Variants in PREX1 observed in about 807,000 individuals in gnomAD.
PREX1 encodes phosphatidylinositol 3,4,5-trisphosphate-dependent Rac exchanger 1 protein.
In PREX1, 41 loss-of-function variants were observed where a neutral mutation model predicts 198.3. That is an observed-to-expected ratio of 0.21 (90% CI 0.16 to 0.27). The LOEUF (loss-of-function observed/expected upper bound fraction) is 0.27, where lower values mean the gene tolerates loss of function less well. Ranked by LOEUF, PREX1 falls within the 10% of genes least tolerant of loss-of-function variation. The pLI is 1.00. For synonymous variants in PREX1, 843 were observed against 887.2 expected, an observed-to-expected ratio of 0.95 and a Z score of 0.89; for missense variants, 1,620 against 2,200.7, an observed-to-expected ratio of 0.74 and a Z score of 5.28.
the PREX1 span, among the ~76,000 whole-genome samples, chr20:48,884,273 G>C: frequency 6.6e-6 from 1 of 152,050 alleles, no homozygotes. Context: ...CACAATTCCT[G>C]ATTTTAAAAC....
chr20:48,731,338 C>T (rs2090033985), intron 4 of PREX1, among the ~76,000 whole-genome samples: 1 of 152,242 alleles, frequency 6.6e-6, no homozygotes, highest in South Asian at 2.1e-4. Context: ...TTCCTCAAAA[C>T]ATCCTGTCAC....
upstream of PREX1, among the ~76,000 whole-genome samples, chr20:48,829,331 G>A (rs1305309020): frequency 6.6e-6 from 1 of 152,130 alleles, no homozygotes; most frequent in African/African-American, 2.4e-5. Flanking sequence ...CATAGTATCC[G>A]CCTCTAGACT....
chr20:48,823,225 C>G (rs2090494835), intron 1 of PREX1, among the ~76,000 whole-genome samples: 1 of 152,168 alleles, frequency 6.6e-6, no homozygotes, highest in South Asian at 2.1e-4. Context: ...CTTCGAGGAG[C>G]TGCTGACCAA....
chr20:48,712,950 C>T (rs778871017), intron 5 of PREX1, among the ~76,000 whole-genome samples: 79 of 152,220 alleles, frequency 5.2e-4, no homozygotes, highest in South Asian at 2.7e-3. Flanking sequence ...ATGGTGAAAC[C>T]CCGTCTCTAT....
chr20:48,703,628 A>G (rs2089886953), intron 6 of PREX1, among the ~76,000 whole-genome samples: 1 of 152,050 alleles, frequency 6.6e-6, no homozygotes, highest in African/African-American at 2.4e-5. Context: ...CCAAAGGGGA[A>G]GTTGAAGAAG....
chr20:48,651,330 C>A lies in PREX1; in HGVS notation c.2655+66G>T. ...GTCCCACCCAACTCCTTCTCCCAAC[C>A]TTTGATAAGAGAAACTGGCTTCAAT... On this transcript the variant is annotated intron_variant, in intron 22 of 39. Coordinates refer to ENST00000371941, the MANE Select transcript of PREX1 (RefSeq NM_020820.4). The A allele has an allele frequency of 2.0e-6, 3 of 1,523,260 alleles. No individual in the cohort carries two copies. In the South Asian group the frequency reaches 3.9e-5, roughly 20 times the overall value. The allele number at this position is 1,523,260 out of a possible 1,614,324, so 94.4% of individuals were successfully genotyped here.
Position 48,721,091 on chromosome 20 carries a change from C to T in PREX1, c.621+5199G>A, listed in dbSNP as rs59712152. 2.4e-3 allele frequency among the ~76,000 whole-genome samples: 364 copies of T among 152,338 alleles called. 3 individuals carry two copies. The highest frequency in any genetic ancestry group is 8.4e-3 in the African/African-American group (349 of 41,566). On this transcript the variant is annotated intron_variant, in intron 5 of 39. Coordinates refer to ENST00000371941, the MANE Select transcript of PREX1 (RefSeq NM_020820.4). ...GATACTTGGACATAAGTAACTTTCA[C>T]ATAAAAGTCCCAATTTCTGGATTCA...
chr20:48,713,222 C>A (rs867722255), intron 5 of PREX1, among the ~76,000 whole-genome samples: 1 of 152,096 alleles, frequency 6.6e-6, no homozygotes, highest in African/African-American at 2.4e-5. Context: ...GAAGCCAAGG[C>A]GGGCGGATCA....
chr20:48,713,058 AG>A (rs1320721873), intron 5 of PREX1, among the ~76,000 whole-genome samples: 1 of 152,146 alleles, frequency 6.6e-6, no homozygotes, highest in Non-Finnish European at 1.5e-5. Context: ...TGGGAGGCGG[AG>A]GTTGCAGTGA....
intron 14 of PREX1, among the ~76,000 whole-genome samples, chr20:48,667,735 C>T (rs1320130015): frequency 6.6e-6 from 1 of 152,244 alleles, no homozygotes; most frequent in Non-Finnish European, 1.5e-5. Flanking sequence ...ACAGGCACGG[C>T]CCGTGTGCTG....
chr20:48,786,426 C>T (rs927607064), intron 1 of PREX1, among the ~76,000 whole-genome samples: 3 of 151,662 alleles, frequency 2.0e-5, no homozygotes, highest in Non-Finnish European at 4.4e-5. Flanking sequence ...AAGAAAGTGG[C>T]GGGGAAACGG....
chr20:48,691,114 C>T lies in PREX1; in HGVS notation c.1037-18G>A. 6.2e-7 allele frequency: 1 copy of T among 1,614,084 alleles called. No individual in the cohort carries two copies. Among genetic ancestry groups the T allele is most frequent in the Non-Finnish European group, 8.5e-7 (1 of 1,179,972 alleles). ...GTAATCCGCTGGTGGGGGCAGGAGG[C>T]AAAGGTGCAGCAGAGACTCAGCCGC... On this transcript the variant is annotated intron_variant, in intron 8 of 39. Transcript: ENST00000371941. This position sits in a 1 kb window ranked among gnomAD's most constrained non-coding sequence, Gnocchi z 5.0.
At chr20:48,709,722 A>C (rs1358305190) in intron 5 of PREX1, among the ~76,000 whole-genome samples, 1 of 152,216 alleles carries the variant, frequency 6.6e-6, no homozygotes, top group Non-Finnish European at 1.5e-5. Context: ...CTGTAGGAAA[A>C]GCACCAAGTA....
chr20:48,769,304 G>A (rs560193836), intron 1 of PREX1, among the ~76,000 whole-genome samples: 1 of 152,248 alleles, frequency 6.6e-6, no homozygotes, highest in Non-Finnish European at 1.5e-5. Flanking sequence ...GGGCTGCCCC[G>A]TTGAATGAGA....
chr20:48,747,988 C>G, intron 1 of PREX1, 108 bp from the exon 2 acceptor site: 1 of 983,026 alleles, frequency 1.0e-6, no homozygotes, highest in East Asian at 2.6e-5. Context: ...CTGGGAGGTA[C>G]CACGAGTCCA....
chr20:48,717,784 G>A (rs904946390), intron 5 of PREX1, among the ~76,000 whole-genome samples: 2 of 152,230 alleles, frequency 1.3e-5, no homozygotes, highest in Non-Finnish European at 2.9e-5. Flanking sequence ...AGAGGAAAGG[G>A]GGGTAAAGTG....
chr20:48,833,728 A>T, the PREX1 span, among the ~76,000 whole-genome samples: 1 of 152,090 alleles, frequency 6.6e-6, no homozygotes, highest in African/African-American at 2.4e-5. Flanking sequence ...AGGCATGAGC[A>T]CGGCGCCTGG....
chr20:48,693,437 G>T (rs1335479644), intron 7 of PREX1, among the ~76,000 whole-genome samples: 1 of 152,152 alleles, frequency 6.6e-6, no homozygotes, highest in East Asian at 1.9e-4. Context: ...AGGCCCCAGA[G>T]AGCTGGCTCG....
intron 5 of PREX1, among the ~76,000 whole-genome samples, chr20:48,715,027 C>A (rs1048726036): frequency 6.6e-6 from 1 of 152,162 alleles, no homozygotes; most frequent in Non-Finnish European, 1.5e-5. Flanking sequence ...CAGAACTGAA[C>A]AGACTGTACT....
Sources: allele counts gnomAD v4.1 joint callset (sites outside exome capture counted in the v4.1 genomes callset), GRCh38; gene constraint gnomAD v4.1.1; non-coding constraint Gnocchi (gnomAD v3.1); transcripts MANE v1.5; gene names NCBI Gene and HGNC (gene_info 2026-07-23, HGNC 2026-07-21).